TTC28: variants seen among roughly 807,000 people sequenced by gnomAD.
TTC28 encodes the protein tetratricopeptide repeat protein 28.
Under a neutral mutation model 198.0 loss-of-function variants are expected in TTC28, and 61 were observed. The ratio of observed to expected loss-of-function variants is 0.31; its 90% CI spans 0.25 to 0.38. The LOEUF is 0.38. Ranked by LOEUF, TTC28 falls within the 10% of genes least tolerant of loss-of-function variation. TTC28 has a pLI of 1.00. For missense variants in TTC28, 2,678 were observed against 3,164.0 expected, an observed-to-expected ratio of 0.85 and a Z score of 3.69; for synonymous variants, 1,171 against 1,297.8, an observed-to-expected ratio of 0.90 and a Z score of 2.10.
chr22:28,326,252 A>G (rs1405971806), intron 2 of TTC28, among the ~76,000 whole-genome samples: 1 of 152,174 alleles, frequency 6.6e-6, no homozygotes, highest in East Asian at 1.9e-4. Context: ...TTCCATTTAT[A>G]TGACATTTGA....
chr22:28,235,372 C>A (rs1041711539), intron 5 of TTC28, among the ~76,000 whole-genome samples: 1 of 152,142 alleles, frequency 6.6e-6, no homozygotes, highest in African/African-American at 2.4e-5. Flanking sequence ...TAATCAGTGG[C>A]AAATCTAACT....
At chr22:28,052,750 T>A (rs1940135973) in intron 12 of TTC28, among the ~76,000 whole-genome samples, 3 of 152,260 alleles carry the variant, frequency 2.0e-5, no homozygotes, top group African/African-American at 4.8e-5. Flanking sequence ...TGTCTACAGA[T>A]GTGAAAATTA....
intron 2 of TTC28, among the ~76,000 whole-genome samples, chr22:28,414,985 G>GA (rs373614950): frequency 2.4e-4 from 36 of 152,012 alleles, no homozygotes; most frequent in African/African-American, 8.7e-4. Context: ...TGAATTATGG[G>GA]AAAAAACCAA....
At chr22:28,191,454 G>A (rs1050347887) in intron 5 of TTC28, among the ~76,000 whole-genome samples, 1 of 152,330 alleles carries the variant, frequency 6.6e-6, no homozygotes, top group Admixed American at 6.5e-5. Flanking sequence ...AGGTCAGTGG[G>A]TGCAGCGCAC....
At chr22:28,066,587 C>T (rs900748019) in intron 12 of TTC28, among the ~76,000 whole-genome samples, 2 of 152,054 alleles carry the variant, frequency 1.3e-5, no homozygotes, top group African/African-American at 4.8e-5. Flanking sequence ...TTGGTCTGTC[C>T]AGCAGGTTTT....
At chr22:28,017,598 G>A (rs927649289) in intron 13 of TTC28, among the ~76,000 whole-genome samples, 5 of 152,188 alleles carry the variant, frequency 3.3e-5, no homozygotes, top group African/African-American at 4.8e-5. Context: ...AGTGTGAGGA[G>A]TCATGCGGAC....
chr22:28,213,778 A>G (rs958432497), intron 5 of TTC28, among the ~76,000 whole-genome samples: 1 of 152,044 alleles, frequency 6.6e-6, no homozygotes, highest in Non-Finnish European at 1.5e-5. Context: ...GGAAAAAACT[A>G]CTTTAAAGTT....
intron 2 of TTC28, among the ~76,000 whole-genome samples, chr22:28,442,386 G>A (rs2047637823): frequency 6.6e-6 from 1 of 152,266 alleles, no homozygotes; most frequent in South Asian, 2.1e-4. Context: ...GGAACCAGCT[G>A]CTGGGCTGGT....
At chr22:28,316,212 G>C (rs1386539200) in intron 2 of TTC28, among the ~76,000 whole-genome samples, 1 of 152,116 alleles carries the variant, frequency 6.6e-6, no homozygotes, top group East Asian at 1.9e-4. Flanking sequence ...AGGCAAGCCC[G>C]ACTGTGCAAG....
chr22:28,429,219 C>G (rs543241165), intron 2 of TTC28, among the ~76,000 whole-genome samples: 2 of 152,288 alleles, frequency 1.3e-5, no homozygotes, highest in South Asian at 4.2e-4. Context: ...GAACAGCTCT[C>G]GAGTCACTTG....
chr22:28,675,958 G>A (rs1401441405), intron 1 of TTC28, among the ~76,000 whole-genome samples: 3 of 152,020 alleles, frequency 2.0e-5, no homozygotes, highest in Admixed American at 6.6e-5. Context: ...GTGGTGGCAC[G>A]TGCCTGTAGT....
chr22:28,133,066 T>C (rs1348171050), intron 6 of TTC28, among the ~76,000 whole-genome samples: 2 of 152,086 alleles, frequency 1.3e-5, no homozygotes, highest in Non-Finnish European at 2.9e-5. Flanking sequence ...CTACAAAAAA[T>C]ACCAAAATTA....
intron 2 of TTC28, among the ~76,000 whole-genome samples, chr22:28,420,807 G>A (rs1468105513): frequency 6.6e-6 from 1 of 151,928 alleles, no homozygotes; most frequent in Non-Finnish European, 1.5e-5. Flanking sequence ...CACCATGTTG[G>A]CCAGGCTGGT....
rs529084424 is a variant in TTC28 at position 27,982,016 on chromosome 22, A to G, written c.*205T>C. 8.2e-6 allele frequency: 4 copies of G among 490,230 alleles called. No individual in the cohort carries two copies. Among genetic ancestry groups the G allele is most frequent in the Non-Finnish European group, 1.4e-5 (4 of 283,786 alleles). The allele number at this position is 490,230 out of a possible 1,614,324, so 30.4% of individuals were successfully genotyped here. A position where few individuals can be genotyped will look rare whatever the true frequency, so the allele number is the denominator to read the frequency against. ...CATGAGCCTCCTGTACCAGCCCCAC[A>G]GAAGTCCTGGCTTTTGGTGAATGTG... On this transcript the variant is annotated 3_prime_UTR_variant, in exon 23 of 23. Transcript: ENST00000397906. The surrounding 1 kb of genome is among the most constrained non-coding windows in gnomAD (Gnocchi z 5.2).
At chr22:28,296,404 CTTAAT>C (rs1288563882) in intron 4 of TTC28, 76 bp from the exon 5 acceptor site, 71 of 1,223,652 alleles carry the variant, frequency 5.8e-5, no homozygotes, top group Non-Finnish European at 7.2e-5. Context: ...TAATGGTCAT[CTTAAT>C]TTAAGAGCCA....
chr22:28,541,575 C>T (rs1156332579), intron 2 of TTC28, among the ~76,000 whole-genome samples: 1 of 151,874 alleles, frequency 6.6e-6, no homozygotes, highest in Non-Finnish European at 1.5e-5. Context: ...ATTTTTTATT[C>T]CAAAAATGTG....
chr22:28,461,536 A>T (rs571225818), intron 2 of TTC28, among the ~76,000 whole-genome samples: 3 of 151,970 alleles, frequency 2.0e-5, no homozygotes, highest in Admixed American at 1.3e-4. Flanking sequence ...TCCTGGGTTC[A>T]GGCAATTCTC....
chr22:27,980,372 G>A lies in TTC28; in HGVS notation c.*1849C>T, dbSNP rs919983895. 1 of 152,176 alleles carries A rather than the reference G, an allele frequency of 6.6e-6. No individual in the cohort carries two copies. The highest frequency in any genetic ancestry group is 2.4e-5 in the African/African-American group (1 of 41,430). The allele number at this position is 152,176 out of a possible 1,614,324, so 9.4% of individuals were successfully genotyped here. ...ACTTCGCTTTCAGTGTTGGGATCAG[G>A]GCTAGAATAAGACATGCTTATTGTT... On this transcript the variant is annotated 3_prime_UTR_variant, in exon 23 of 23. Transcript: ENST00000397906.
At chr22:28,583,890 A>T (rs2050268519) in intron 2 of TTC28, among the ~76,000 whole-genome samples, 2 of 152,044 alleles carry the variant, frequency 1.3e-5, no homozygotes, top group African/African-American at 4.8e-5. Context: ...GGTCTGAGGT[A>T]TTATTTACCA....
Sources: gnomAD v4.1 joint callset for allele counts (sites outside exome capture counted in the v4.1 genomes callset) on GRCh38, gnomAD v4.1.1 for gene constraint, Gnocchi (gnomAD v3.1) non-coding constraint, MANE v1.5 for transcripts, NCBI Gene and HGNC (gene_info 2026-07-23, HGNC 2026-07-21) for gene names.